Variants in GRM1 observed in about 807,000 individuals in gnomAD.
GRM1 encodes the protein glutamate metabotropic receptor 1.
GRM1 carries 33 observed loss-of-function variants against 90.9 expected under a neutral mutation model. The ratio of observed to expected loss-of-function variants is 0.36; its 90% CI spans 0.28 to 0.49. The LOEUF (loss-of-function observed/expected upper bound fraction) is 0.49, where lower values mean the gene tolerates loss of function less well. Ranked by LOEUF, GRM1 falls within the 20% of genes least tolerant of loss-of-function variation. The pLI, the probability that GRM1 is intolerant of heterozygous loss-of-function variation, is 0.99. For missense variants in GRM1, 1,190 were observed against 1,534.3 expected (o/e 0.78, Z 3.75); for synonymous variants, 700 against 613.2 (o/e 1.14, Z -2.09).
chr6:146,419,098 T>C (rs1440556202), intron 7 of GRM1, among the ~76,000 whole-genome samples: 1 of 152,158 alleles, frequency 6.6e-6, no homozygotes, highest in Non-Finnish European at 1.5e-5. Flanking sequence ...ATGTGAATTG[T>C]ACAGGAACTT....
intron 2 of GRM1, among the ~76,000 whole-genome samples, chr6:146,178,808 G>A (rs1006326880): frequency 3.3e-5 from 5 of 151,986 alleles, no homozygotes; most frequent in African/African-American, 1.2e-4. Context: ...TTCATGTTTG[G>A]GACTATCTGC....
chr6:146,172,525 T>G (rs1778170667), intron 2 of GRM1, among the ~76,000 whole-genome samples: 1 of 152,166 alleles, frequency 6.6e-6, no homozygotes, highest in South Asian at 2.1e-4. Flanking sequence ...AGGACAGGTA[T>G]TAGTAGTCTG....
intron 2 of GRM1, among the ~76,000 whole-genome samples, chr6:146,201,516 C>T (rs191206539): frequency 6.6e-6 from 1 of 152,286 alleles, no homozygotes; most frequent in African/African-American, 2.4e-5. Flanking sequence ...GCTATATCCT[C>T]ACATAGCAGA....
chr6:146,376,757 CT>C (rs919385555), intron 5 of GRM1, among the ~76,000 whole-genome samples: 3 of 152,060 alleles, frequency 2.0e-5, no homozygotes, highest in Admixed American at 2.0e-4. Flanking sequence ...AGGTAGTCTT[CT>C]TTGGGTTCAA....
chr6:146,377,176 GTA>G (rs1776133148), intron 5 of GRM1, among the ~76,000 whole-genome samples: 1 of 152,056 alleles, frequency 6.6e-6, no homozygotes, highest in East Asian at 1.9e-4. Flanking sequence ...CAGTAAATTG[GTA>G]CTGGGAGTGG....
intron 1 of GRM1, among the ~76,000 whole-genome samples, chr6:146,065,554 CA>C (rs2128856179): frequency 6.6e-6 from 1 of 152,262 alleles, no homozygotes; most frequent in South Asian, 2.1e-4. Flanking sequence ...AGTTTGCCAC[CA>C]TGATTACTAC....
At chr6:146,252,252 G>A (rs1005669351) in intron 2 of GRM1, among the ~76,000 whole-genome samples, 2 of 152,138 alleles carry the variant, frequency 1.3e-5, no homozygotes, top group Non-Finnish European at 2.9e-5. Flanking sequence ...AAAAACAGAG[G>A]TAATAAATAA....
chr6:146,104,284 C>CA (rs1265363246), intron 1 of GRM1, among the ~76,000 whole-genome samples: 2 of 151,776 alleles, frequency 1.3e-5, no homozygotes, highest in African/African-American at 2.4e-5. Flanking sequence ...ACTAAAAATA[C>CA]AAAAAATTAG....
At chr6:146,351,151 AC>A (rs751408314) in intron 3 of GRM1, among the ~76,000 whole-genome samples, 7 of 152,174 alleles carry the variant, frequency 4.6e-5, no homozygotes, top group Non-Finnish European at 8.8e-5. Flanking sequence ...GTGTCCAGTG[AC>A]CTATTTAGGT....
At chr6:146,412,159 A>G (rs77482430) in intron 7 of GRM1, among the ~76,000 whole-genome samples, 1,940 of 152,294 alleles carry the variant, frequency 0.013, 47 homozygotes, top group African/African-American at 0.045. Context: ...AGCATTGTCA[A>G]CGCTGTATGT....
intron 5 of GRM1, among the ~76,000 whole-genome samples, chr6:146,383,461 CTTA>C (rs1253642228): frequency 6.6e-6 from 1 of 152,088 alleles, no homozygotes; most frequent in Non-Finnish European, 1.5e-5. Context: ...GTAGCATTTA[CTTA>C]TTAATTCAAT....
chr6:146,303,407 G>T (rs2114922423), intron 2 of GRM1, among the ~76,000 whole-genome samples: 1 of 152,160 alleles, frequency 6.6e-6, no homozygotes, highest in Non-Finnish European at 1.5e-5. Context: ...CTGAGTACAG[G>T]CCCCTGACGT....
chr6:146,321,431 G>T (rs894962122), intron 3 of GRM1, among the ~76,000 whole-genome samples: 1 of 152,192 alleles, frequency 6.6e-6, no homozygotes, highest in Non-Finnish European at 1.5e-5. Context: ...GTGCTGAGAA[G>T]AATGTATATT....
chr6:146,216,693 A>G (rs936499276), intron 2 of GRM1, among the ~76,000 whole-genome samples: 1 of 152,194 alleles, frequency 6.6e-6, no homozygotes, highest in Non-Finnish European at 1.5e-5. Flanking sequence ...TGTTCCTCTA[A>G]ACTGTAAAAC....
chr6:146,220,696 G>A (rs1434091687), intron 2 of GRM1, among the ~76,000 whole-genome samples: 1 of 151,764 alleles, frequency 6.6e-6, no homozygotes, highest in Non-Finnish European at 1.5e-5. Context: ...TCTCCCATGT[G>A]CCATAAGCTG....
At chr6:146,066,613 TC>T (rs1426080963) in intron 1 of GRM1, among the ~76,000 whole-genome samples, 1 of 152,320 alleles carries the variant, frequency 6.6e-6, no homozygotes, top group African/African-American at 2.4e-5. Flanking sequence ...AACTCTCAGT[TC>T]TTTGAGAAAT....
At chr6:146,285,563 G>T (rs779023162) in intron 2 of GRM1, among the ~76,000 whole-genome samples, 2 of 152,042 alleles carry the variant, frequency 1.3e-5, no homozygotes, top group Non-Finnish European at 2.9e-5. Context: ...CCTTTCATTA[G>T]ATTCATATTG....
chr6:146,401,041 A>T (rs1418722840), intron 7 of GRM1, among the ~76,000 whole-genome samples: 1 of 152,102 alleles, frequency 6.6e-6, no homozygotes, highest in East Asian at 1.9e-4. Context: ...ACTTTAACAC[A>T]TGCCAAAAAT....
At chr6:146,433,730 G>C in intron 7 of GRM1, 142 bp from the exon 8 acceptor site, 1 of 679,560 alleles carries the variant, frequency 1.5e-6, no homozygotes, top group East Asian at 2.7e-5. Flanking sequence ...TTTGTAAGAG[G>C]AGGTATGGGG....
Sources: gnomAD v4.1 joint callset for allele counts (sites outside exome capture counted in the v4.1 genomes callset) on GRCh38, gnomAD v4.1.1 for gene constraint, MANE v1.5 for transcripts, NCBI Gene and HGNC (gene_info 2026-07-23, HGNC 2026-07-21) for gene names.